Variants in ZNF492 observed in about 807,000 individuals in gnomAD.
ZNF492 encodes the protein zinc finger protein 115 (Y20).
Under a neutral mutation model 6.4 loss-of-function variants are expected in ZNF492, and 3 were observed. That is an observed-to-expected ratio of 0.47 (90% CI 0.21 to 1.22). ZNF492 has a LOEUF of 1.22. Ranked by LOEUF, ZNF492 falls within the 50% of genes most tolerant of loss-of-function variation. The probability of loss-of-function intolerance (pLI) is 0.22; values close to 1 mark genes in which losing one functional copy is unlikely to be tolerated. For missense variants in ZNF492, 356 were observed against 612.5 expected, an observed-to-expected ratio of 0.58 and a Z score of 4.42; for synonymous variants, 112 against 205.3, an observed-to-expected ratio of 0.55 and a Z score of 3.89.
chr19:22,661,970 A>G (rs1414995999), intron 3 of ZNF492, among the ~76,000 whole-genome samples: 4 of 151,964 alleles, frequency 2.6e-5, no homozygotes, highest in African/African-American at 4.8e-5. Context: ...TGTAAAACTT[A>G]CCTTTCTTAT....
rs1972133867 is a variant in ZNF492 at position 22,666,754 on chromosome 19, A to G, written c.*1489A>G. ...TTTTAGTTAAAATTAAAAATAAATT[A>G]GTATATTATTTTACTAATTTTACTT... On this transcript the variant is annotated 3_prime_UTR_variant, in exon 4 of 4. Transcript: ENST00000456783. 1 of 152,208 alleles carries G rather than the reference A, an allele frequency of 6.6e-6. No homozygotes were observed. The highest frequency in any genetic ancestry group is 2.4e-5 in the African/African-American group (1 of 41,454). 9.4% of individuals were successfully genotyped at this position (152,208 alleles called of 1,614,324 possible). A position where few individuals can be genotyped will look rare whatever the true frequency, so the allele number is the denominator to read the frequency against.
At chr19:22,652,294 C>T (rs1391890081) in intron 1 of ZNF492, among the ~76,000 whole-genome samples, 1 of 121,354 alleles carries the variant, frequency 8.2e-6, no homozygotes, top group African/African-American at 4.2e-5. Flanking sequence ...GTGGCGCAAT[C>T]TCGGCTCACT....
chr19:22,634,562 C>G, intron 1 of ZNF492, 88 bp downstream of exon 1: 1 of 1,216,288 alleles, frequency 8.2e-7, no homozygotes, highest in Non-Finnish European at 1.2e-6. Context: ...TCAGGCCTCC[C>G]CGCAGTCGGC....
At chr19:22,645,368 T>C (rs953643713) in intron 1 of ZNF492, among the ~76,000 whole-genome samples, 17 of 151,984 alleles carry the variant, frequency 1.1e-4, no homozygotes, top group African/African-American at 4.1e-4. Context: ...TTTGATGGAA[T>C]TGTTTTTTTT....
intron 3 of ZNF492, among the ~76,000 whole-genome samples, chr19:22,660,264 TTAAA>T (rs1275190334): frequency 1.3e-5 from 2 of 152,182 alleles, no homozygotes; most frequent in African/African-American, 4.8e-5. Flanking sequence ...ATATATACAT[TTAAA>T]TAATTGATAA....
chr19:22,652,889 GA>G (rs1971956062), intron 1 of ZNF492, among the ~76,000 whole-genome samples: 1 of 151,952 alleles, frequency 6.6e-6, no homozygotes, highest in African/African-American at 2.4e-5. Context: ...CAGATTTTCT[GA>G]AAAAATAATC....
intron 3 of ZNF492, among the ~76,000 whole-genome samples, chr19:22,655,812 TGTTG>T (rs1568355650): frequency 3.3e-5 from 4 of 122,764 alleles, no homozygotes; most frequent in African/African-American, 1.5e-4. Flanking sequence ...AAGTTTTTCT[TGTTG>T]TTTTTTTTTT....
chr19:22,647,138 G>A (rs1971886042), intron 1 of ZNF492, among the ~76,000 whole-genome samples: 1 of 151,854 alleles, frequency 6.6e-6, no homozygotes, highest in Non-Finnish European at 1.5e-5. Context: ...TGATCTGCCT[G>A]CCTCGGCCTC....
At chr19:22,655,809 T>C (rs1971988992) in intron 3 of ZNF492, among the ~76,000 whole-genome samples, 1 of 135,704 alleles carries the variant, frequency 7.4e-6, no homozygotes, top group Non-Finnish European at 1.6e-5. Flanking sequence ...TTCAAGTTTT[T>C]CTTGTTGTTT....
At chr19:22,663,714 G>A (rs553546185) in intron 3 of ZNF492, 86 bp from the exon 4 acceptor site, 1 of 1,283,956 alleles carries the variant, frequency 7.8e-7, no homozygotes, top group South Asian at 1.9e-5. Context: ...TTGTGATGTA[G>A]TTTGTATAAT....
Position 22,655,813 on chromosome 19 carries a change from GT to G in ZNF492, c.130+1800del, listed in dbSNP as rs760041910. Among the ~76,000 whole-genome samples the G allele has an allele frequency of 1.6e-3, 101 of 64,906 alleles. 1 individual carries two copies. The highest frequency in any genetic ancestry group is 2.5e-3 in the Non-Finnish European group (87 of 34,324). 42.6% of individuals were successfully genotyped at this position (64,906 alleles called of 152,430 possible). On this transcript the variant is annotated intron_variant, in intron 3 of 3. Coordinates refer to ENST00000456783, the MANE Select transcript of ZNF492 (RefSeq NM_020855.3). ...GCAAACACCTCTTCAAGTTTTTCTT[GT>G]TGTTTTTTTTTTTTTTTTTTTTTTT...
intron 3 of ZNF492, among the ~76,000 whole-genome samples, chr19:22,661,414 G>C (rs1022404795): frequency 9.9e-5 from 15 of 151,656 alleles, no homozygotes; most frequent in African/African-American, 3.4e-4. Flanking sequence ...TTGTAATCTT[G>C]GAATGAGATT....
chr19:22,639,643 A>G (rs7249846), intron 1 of ZNF492, among the ~76,000 whole-genome samples: 27,418 of 150,342 alleles, frequency 0.18, 3,119 homozygotes, highest in African/African-American at 0.33. Flanking sequence ...CCTGGGAGGC[A>G]GAGGTTGCAG....
intron 1 of ZNF492, among the ~76,000 whole-genome samples, chr19:22,646,830 C>A (rs1351788529): frequency 2.0e-5 from 3 of 152,080 alleles, no homozygotes; most frequent in Non-Finnish European, 2.9e-5. Flanking sequence ...TATTGATTTG[C>A]ATATGTTGAA....
intron 2 of ZNF492, 65 bp downstream of exon 2, chr19:22,653,498 G>A: frequency 6.4e-7 from 1 of 1,573,478 alleles, no homozygotes. Flanking sequence ...CTTTTTTGTA[G>A]AATGGTTTTT....
intron 1 of ZNF492, among the ~76,000 whole-genome samples, chr19:22,635,551 G>A (rs1271710252): frequency 6.6e-6 from 1 of 152,220 alleles, no homozygotes; most frequent in African/African-American, 2.4e-5. Flanking sequence ...GGAATATCCC[G>A]ATAGTGAATT....
At chr19:22,659,453 T>G (rs1972031923) in intron 3 of ZNF492, among the ~76,000 whole-genome samples, 2 of 151,798 alleles carry the variant, frequency 1.3e-5, no homozygotes, top group Non-Finnish European at 2.9e-5. Context: ...TTAATTTTTA[T>G]TACGGAAAAT....
At chr19:22,655,694 T>TTTTTTTTTTTA (rs1971987551) in intron 3 of ZNF492, among the ~76,000 whole-genome samples, 8 of 143,746 alleles carry the variant, frequency 5.6e-5, no homozygotes, top group African/African-American at 1.6e-4. Context: ...TTTTTTTTTT[T>TTTTTTTTTTTA]ACTTATTCCA....
intron 1 of ZNF492, among the ~76,000 whole-genome samples, chr19:22,636,068 T>C (rs1359413982): frequency 1.3e-5 from 2 of 152,120 alleles, no homozygotes; most frequent in African/African-American, 4.8e-5. Context: ...CCTCTTTGTG[T>C]TTACGTGTTC....
Sources: allele counts gnomAD v4.1 joint callset (sites outside exome capture counted in the v4.1 genomes callset), GRCh38; gene constraint gnomAD v4.1.1; transcripts MANE v1.5; gene names NCBI Gene and HGNC (gene_info 2026-07-23, HGNC 2026-07-21).